The following SRGAP3 variants were observed in gnomAD, a reference collection of about 807,000 sequenced individuals.
SRGAP3 encodes SLIT-ROBO Rho GTPase activating protein 3.
Under a neutral mutation model 121.1 loss-of-function variants are expected in SRGAP3, and 39 were observed. The observed-to-expected ratio is 0.32, with a 90% CI of 0.25 to 0.42. SRGAP3 has a LOEUF of 0.42. SRGAP3 is among the 10% of genes least tolerant of loss of function. The probability of loss-of-function intolerance (pLI) is 1.00; values close to 1 mark genes in which losing one functional copy is unlikely to be tolerated. For missense variants in SRGAP3, 1,213 were observed against 1,470.6 expected, an observed-to-expected ratio of 0.82 and a Z score of 2.86; for synonymous variants, 601 against 570.0, an observed-to-expected ratio of 1.05 and a Z score of -0.77.
intron 3 of SRGAP3, among the ~76,000 whole-genome samples, chr3:9,289,221 T>C (rs1035108775): frequency 1.3e-5 from 2 of 152,218 alleles, no homozygotes; most frequent in Non-Finnish European, 2.9e-5. Flanking sequence ...TTTAATTCTT[T>C]ATTCACAATT....
chr3:9,001,744 C>T lies in SRGAP3; in HGVS notation c.2228-7221G>A, dbSNP rs116918795. Among the ~76,000 whole-genome samples, 151 of 152,070 alleles carry T rather than the reference C, an allele frequency of 9.9e-4. 1 individual carries two copies. In the East Asian group the frequency reaches 0.02, roughly 20 times the overall value. On this transcript the variant is annotated intron_variant, in intron 18 of 21. Transcript: ENST00000383836. Reference sequence around the variant, plus strand: ...GAAAAATGTATTATACAAACTGGAACCACAGGAAAGCTAGAATGACTATAC... The same window carrying T: ...GAAAAATGTATTATACAAACTGGAATCACAGGAAAGCTAGAATGACTATAC...
At chr3:9,349,983 T>C (rs2030016143) in intron 1 of SRGAP3, 1 of 152,202 alleles carries the variant, frequency 6.6e-6, no homozygotes, top group Non-Finnish European at 1.5e-5. Flanking sequence ...TTCTAGTTGC[T>C]TGGCCCTGAC....
At chr3:9,224,809 G>A (rs1302479923) in intron 1 of SRGAP3, among the ~76,000 whole-genome samples, 1 of 152,208 alleles carries the variant, frequency 6.6e-6, no homozygotes, top group African/African-American at 2.4e-5. Context: ...GAACCACACA[G>A]GGAGGGGCTG....
At chr3:9,110,824 A>G (rs892411214) in intron 2 of SRGAP3, among the ~76,000 whole-genome samples, 2 of 152,244 alleles carry the variant, frequency 1.3e-5, no homozygotes, top group African/African-American at 4.8e-5. Context: ...CCTTGGCCAC[A>G]ATGGTACCAG....
chr3:9,186,525 G>T (rs1386245159), intron 1 of SRGAP3, among the ~76,000 whole-genome samples: 1 of 152,130 alleles, frequency 6.6e-6, no homozygotes. Flanking sequence ...ACTACCATAA[G>T]TACTTGAGAA....
At chr3:9,256,057 C>A (rs4686335) in intron 3 of SRGAP3, among the ~76,000 whole-genome samples, 1 of 151,870 alleles carries the variant, frequency 6.6e-6, no homozygotes, top group Non-Finnish European at 1.5e-5. Flanking sequence ...CCGAGAGACC[C>A]TGCAATGCAC....
At chr3:9,140,573 T>C (rs982198265) in intron 1 of SRGAP3, among the ~76,000 whole-genome samples, 1 of 152,188 alleles carries the variant, frequency 6.6e-6, no homozygotes, top group Non-Finnish European at 1.5e-5. Context: ...AGGGGCCAGA[T>C]AGTAAATATT....
intron 1 of SRGAP3, among the ~76,000 whole-genome samples, chr3:9,221,556 A>G: frequency 6.6e-6 from 1 of 152,174 alleles, no homozygotes; most frequent in Non-Finnish European, 1.5e-5. Flanking sequence ...AAATTTTAAT[A>G]TGAAAAAATT....
intron 18 of SRGAP3, among the ~76,000 whole-genome samples, chr3:8,999,647 C>T (rs1317591969): frequency 6.6e-6 from 1 of 152,204 alleles, no homozygotes; most frequent in Non-Finnish European, 1.5e-5. Context: ...GGTGTACCTT[C>T]TCTTCTCCGT....
chr3:9,018,792 C>T (rs1000824938), intron 14 of SRGAP3, among the ~76,000 whole-genome samples: 1 of 152,120 alleles, frequency 6.6e-6, no homozygotes, highest in South Asian at 2.1e-4. Flanking sequence ...ATGCACAAAG[C>T]ATTTATAGGG....
chr3:9,041,190 C>T (rs370400610), intron 10 of SRGAP3, among the ~76,000 whole-genome samples: 12 of 152,216 alleles, frequency 7.9e-5, no homozygotes, highest in Non-Finnish European at 1.5e-4. Flanking sequence ...GAGTGACTTT[C>T]CCAAGTCCCT....
intron 3 of SRGAP3, among the ~76,000 whole-genome samples, chr3:9,281,166 T>G (rs1954669879): frequency 6.6e-6 from 1 of 152,222 alleles, no homozygotes; most frequent in Non-Finnish European, 1.5e-5. Flanking sequence ...ATCCCAGGAC[T>G]CACAGTGATA....
At chr3:9,202,212 G>A (rs962465893) in intron 1 of SRGAP3, among the ~76,000 whole-genome samples, 1 of 152,180 alleles carries the variant, frequency 6.6e-6, no homozygotes, top group Middle Eastern at 3.2e-3. Context: ...CAGCTATGGC[G>A]GGAGCAGCAG....
intron 3 of SRGAP3, among the ~76,000 whole-genome samples, chr3:9,261,032 G>A (rs1198017480): frequency 6.6e-6 from 1 of 152,238 alleles, no homozygotes; most frequent in Non-Finnish European, 1.5e-5. Flanking sequence ...CTGTTCTGCA[G>A]TCTCCACTGG....
chr3:9,142,420 A>G (rs1038342359), intron 1 of SRGAP3, among the ~76,000 whole-genome samples: 5 of 152,356 alleles, frequency 3.3e-5, no homozygotes, highest in African/African-American at 9.6e-5. Context: ...GCAAATTTCA[A>G]TAGTCAGGCT....
intron 3 of SRGAP3, among the ~76,000 whole-genome samples, chr3:9,259,918 C>T (rs562811716): frequency 1.0e-3 from 158 of 151,834 alleles, no homozygotes; most frequent in African/African-American, 3.7e-3. Flanking sequence ...ACCAAGAAGA[C>T]GGGTGACTTC....
chr3:9,195,105 G>A (rs957357043), intron 1 of SRGAP3, among the ~76,000 whole-genome samples: 14 of 152,348 alleles, frequency 9.2e-5, no homozygotes, highest in African/African-American at 1.4e-4. Context: ...AGACATCACC[G>A]AAGGTGGAGT....
At chr3:9,184,662 T>C in intron 1 of SRGAP3, among the ~76,000 whole-genome samples, 1 of 152,176 alleles carries the variant, frequency 6.6e-6, no homozygotes, top group East Asian at 1.9e-4. Flanking sequence ...GGAAGTTCCA[T>C]GAGGACATGG....
Position 9,357,597 on chromosome 3 carries a change from GAA to G in SRGAP3, n.214+5241_214+5242del, listed in dbSNP as rs978013543. Among the ~76,000 whole-genome samples, 265 of 92,592 alleles carry G rather than the reference GAA, an allele frequency of 2.9e-3. 2 individuals are homozygous for G. Among genetic ancestry groups the G allele is most frequent in the African/African-American group, 8.5e-3 (246 of 28,870 alleles). The allele number at this position is 92,592 out of a possible 152,430, so 60.7% of individuals were successfully genotyped here. On this transcript the variant is annotated intron_variant and non_coding_transcript_variant, in intron 1 of 3. Coordinates refer to the SRGAP3 transcript ENST00000490889. ...TTACTCTTCTGGGGAGTATGTAAAA[GAA>G]AAAAAAAAAAAAAGAGTATAAAATG...
Sources: allele counts gnomAD v4.1 joint callset (sites outside exome capture counted in the v4.1 genomes callset), GRCh38; gene constraint gnomAD v4.1.1; transcripts MANE v1.5; gene names NCBI Gene and HGNC (gene_info 2026-07-23, HGNC 2026-07-21).